Variants in RALGAPA1 observed in about 807,000 individuals in gnomAD.
RALGAPA1 encodes the protein Ral GTPase activating protein catalytic subunit alpha 1.
Under a neutral mutation model 269.6 loss-of-function variants are expected in RALGAPA1, and 52 were observed. The ratio of observed to expected loss-of-function variants is 0.19; its 90% CI spans 0.15 to 0.24. RALGAPA1 has a LOEUF of 0.24. Ranked by LOEUF, RALGAPA1 falls within the 10% of genes least tolerant of loss-of-function variation. RALGAPA1 has a pLI of 1.00. For synonymous variants in RALGAPA1, 817 were observed against 1,008.3 expected, an observed-to-expected ratio of 0.81 and a Z score of 3.60; for missense variants, 1,917 against 3,013.9, an observed-to-expected ratio of 0.64 and a Z score of 8.52.
intron 1 of RALGAPA1, among the ~76,000 whole-genome samples, chr14:35,780,260 T>C (rs1287342716): frequency 1.4e-4 from 22 of 152,142 alleles, no homozygotes; most frequent in Non-Finnish European, 1.5e-5. Flanking sequence ...ATTGAAGGAA[T>C]ATACACACAA....
chr14:35,590,214 G>A (rs2138905763), intron 37 of RALGAPA1, among the ~76,000 whole-genome samples: 1 of 152,214 alleles, frequency 6.6e-6, no homozygotes, highest in African/African-American at 2.4e-5. Context: ...ACTTTTCACT[G>A]AATATGCTTT....
In RALGAPA1 at chr14:35,640,060, C is replaced by T. The variant is rs570082747; in HGVS notation, c.5677-4462G>A. 4.3e-4 allele frequency among the ~76,000 whole-genome samples: 66 copies of T among 151,828 alleles called. 1 individual carries two copies. The highest frequency in any genetic ancestry group is 8.3e-4 in the South Asian group (4 of 4,792). On this transcript the variant is annotated intron_variant, in intron 31 of 41. Coordinates refer to ENST00000680220, the MANE Select transcript of RALGAPA1 (RefSeq NM_001346249.2). ...AAATGATAATGGAAACACAACATAC[C>T]CAAACCTATAGGATACAGTGAAAGC...
chr14:35,629,735 G>A (rs2061229121), intron 33 of RALGAPA1, among the ~76,000 whole-genome samples: 1 of 152,108 alleles, frequency 6.6e-6, no homozygotes, highest in Non-Finnish European at 1.5e-5. Flanking sequence ...TCTTGACCTT[G>A]TGATCCACCC....
chr14:35,689,580 T>C lies in RALGAPA1; in HGVS notation c.2831A>G (p.Lys944Arg), dbSNP rs2066303953. 1 of 1,242,456 alleles carries C rather than the reference T, an allele frequency of 8.0e-7. No individual in the cohort carries two copies. Among genetic ancestry groups the C allele is most frequent in the African/African-American group, 1.6e-5 (1 of 64,452 alleles). The allele number at this position is 1,242,456 out of a possible 1,614,324, so 77.0% of individuals were successfully genotyped here. A position where few individuals can be genotyped will look rare whatever the true frequency, so the allele number is the denominator to read the frequency against. Residue 944 changes from lysine to arginine, a missense_variant, in exon 18 of 42, where the codon AAA (lysine) becomes AGA (arginine). Coordinates refer to ENST00000680220, the MANE Select transcript of RALGAPA1 (RefSeq NM_001346249.2). ...EGDDDLLSTLKEYFKENQENH... is the reference protein window; with the variant it reads ...EGDDDLLSTLREYFKENQENH... ...TTCCTGGTTTTCCTTAAAATATTCT[T>C]TCAGGGTGGAAAGAAGATCATCATC... is the stretch of plus-strand genomic sequence containing the variant.
At chr14:35,772,601 T>C (rs1213491499) in intron 3 of RALGAPA1, among the ~76,000 whole-genome samples, 4 of 152,190 alleles carry the variant, frequency 2.6e-5, no homozygotes, top group East Asian at 1.9e-4. Context: ...CTTACTATTA[T>C]TTAGAACTCC....
chr14:35,539,497 G>C lies in RALGAPA1; in HGVS notation c.*217C>G. 1 of 1,597,686 alleles carries C rather than the reference G, an allele frequency of 6.3e-7. No individual in the cohort carries two copies. Among genetic ancestry groups the C allele is most frequent in the Non-Finnish European group, 8.5e-7 (1 of 1,172,076 alleles). On this transcript the variant is annotated 3_prime_UTR_variant, in exon 42 of 42. Coordinates refer to ENST00000680220, the MANE Select transcript of RALGAPA1 (RefSeq NM_001346249.2). The stretch of plus-strand genomic sequence containing the variant: ...GCCTGAAAGGGTTAACCCTATGTTC[G>C]TGCTAAGGTGGCTACTGCTGATCAC...
chr14:35,670,488 C>T (rs1313392855), intron 26 of RALGAPA1, among the ~76,000 whole-genome samples: 1 of 152,186 alleles, frequency 6.6e-6, no homozygotes, highest in East Asian at 1.9e-4. Flanking sequence ...CCTTAGGCTT[C>T]TATCTAATGT....
intron 37 of RALGAPA1, among the ~76,000 whole-genome samples, chr14:35,585,762 A>G (rs1594704816): frequency 6.6e-6 from 1 of 152,110 alleles, no homozygotes; most frequent in South Asian, 2.1e-4. Context: ...AGATGGTTGT[A>G]GATGTGTGGT....
At chr14:35,690,478 A>C (rs1396299173) in intron 17 of RALGAPA1, among the ~76,000 whole-genome samples, 2 of 152,066 alleles carry the variant, frequency 1.3e-5, no homozygotes, top group East Asian at 1.9e-4. Flanking sequence ...TTTTCTTCAA[A>C]TTTTGCTTCT....
intron 13 of RALGAPA1, among the ~76,000 whole-genome samples, chr14:35,727,032 A>C (rs2069996060): frequency 6.6e-6 from 1 of 152,080 alleles, no homozygotes; most frequent in African/African-American, 2.4e-5. Flanking sequence ...AATAATAATA[A>C]CTACATCTAT....
chr14:35,555,258 C>T (rs2055490175), intron 39 of RALGAPA1, among the ~76,000 whole-genome samples: 1 of 152,132 alleles, frequency 6.6e-6, no homozygotes. Flanking sequence ...AATTATAACT[C>T]ATAATTTAGC....
chr14:35,578,727 C>T (rs950415867), intron 37 of RALGAPA1, among the ~76,000 whole-genome samples: 2 of 152,110 alleles, frequency 1.3e-5, no homozygotes, highest in African/African-American at 2.4e-5. Flanking sequence ...GAATTATCTG[C>T]AGTTATGGCA....
intron 1 of RALGAPA1, among the ~76,000 whole-genome samples, chr14:35,791,268 T>C (rs918220743): frequency 6.6e-6 from 1 of 152,192 alleles, no homozygotes; most frequent in Non-Finnish European, 1.5e-5. Context: ...CAGAGGAGAA[T>C]TAGAATTCAG....
At chr14:35,578,556 G>C (rs1285297090) in intron 37 of RALGAPA1, among the ~76,000 whole-genome samples, 1 of 152,066 alleles carries the variant, frequency 6.6e-6, no homozygotes, top group African/African-American at 2.4e-5. Flanking sequence ...TTCATTTTTA[G>C]CAATCAGGAA....
At position 35,779,933 on chromosome 14, in the gene RALGAPA1, C is replaced by T. The variant is rs551854621; in HGVS notation, c.107-4188G>A. On this transcript the variant is annotated intron_variant, in intron 1 of 41. Coordinates refer to ENST00000680220, the MANE Select transcript of RALGAPA1 (RefSeq NM_001346249.2). The stretch of plus-strand genomic sequence containing the variant: ...GGTTAAGAGATTGAGACCATCCTGG[C>T]CAACATGGTGAAACCCTGTCTCTAC... Among the ~76,000 whole-genome samples the T allele has an allele frequency of 2.2e-3, 332 of 152,202 alleles. 3 individuals are homozygous for T. Among genetic ancestry groups the T allele is most frequent in the African/African-American group, 7.4e-3 (308 of 41,534 alleles).
chr14:35,601,092 T>C (rs1368116769), intron 36 of RALGAPA1, among the ~76,000 whole-genome samples: 2 of 152,214 alleles, frequency 1.3e-5, no homozygotes, highest in African/African-American at 2.4e-5. Flanking sequence ...TACTGATATG[T>C]GGAAGCAGGA....
chr14:35,692,398 A>G (rs547581519), intron 17 of RALGAPA1, among the ~76,000 whole-genome samples: 14 of 151,998 alleles, frequency 9.2e-5, no homozygotes, highest in Non-Finnish European at 1.3e-4. Flanking sequence ...AGAAGCCAGG[A>G]AAGATTATTA....
chr14:35,655,017 T>C (rs2063086121), intron 29 of RALGAPA1, among the ~76,000 whole-genome samples: 1 of 152,208 alleles, frequency 6.6e-6, no homozygotes, highest in South Asian at 2.1e-4. Context: ...CAGTTTATAT[T>C]ATACACGCAG....
chr14:35,804,193 T>C (rs923817806), intron 1 of RALGAPA1, among the ~76,000 whole-genome samples: 1 of 146,822 alleles, frequency 6.8e-6, no homozygotes. Flanking sequence ...ACTGGGGAGG[T>C]GGACGTTGCA....
Sources: gnomAD v4.1 joint callset for allele counts (sites outside exome capture counted in the v4.1 genomes callset) on GRCh38, gnomAD v4.1.1 for gene constraint, MANE v1.5 for transcripts, NCBI Gene and HGNC (gene_info 2026-07-23, HGNC 2026-07-21) for gene names.